The following RBM4 variants were observed in gnomAD, a reference collection of about 807,000 sequenced individuals.
RBM4 encodes RNA binding motif protein 4.
A neutral mutation model predicts 29.5 loss-of-function variants in RBM4; 7 were observed. That is an observed-to-expected ratio of 0.24 (90% CI 0.14 to 0.45). RBM4 has a LOEUF of 0.45. Among genes scored for constraint, RBM4 ranks in the 20% least tolerant of loss-of-function variants. RBM4 has a pLI of 1.00. For missense variants in RBM4, 387 were observed against 502.3 expected (o/e 0.77, Z 2.19); for synonymous variants, 220 against 205.4 (o/e 1.07, Z -0.61).
chr11:66,665,574 C>A, intron 2 of RBM4: 1 of 1,535,768 alleles, frequency 6.5e-7, no homozygotes, highest in Non-Finnish European at 8.7e-7. Context: ...CCGCAATTAT[C>A]CTACCTGAAA....
Position 66,643,749 on chromosome 11 carries a change from G to A in RBM4, c.712G>A (p.Ala238Thr), listed in dbSNP as rs777170299. 67 of 1,613,786 alleles carry A rather than the reference G, an allele frequency of 4.2e-5. No homozygotes were observed. Among genetic ancestry groups the A allele is most frequent in the Non-Finnish European group, 5.2e-5 (61 of 1,179,988 alleles). Residue 238 changes from alanine (A) to threonine (T), a missense_variant, in exon 3 of 4, where the codon GCT becomes ACT. By Grantham distance (58) the Ala-to-Thr change is moderately conservative (BLOSUM62 0). Transcript: ENST00000310092. The surrounding 1 kb of genome is among the most constrained non-coding windows in gnomAD (Gnocchi z 6.1). ...ARSYEAVAAA[A>T]ASVYNYAEQT... is the part of the protein sequence containing the mutation. ...GTCCTATGAGGCAGTGGCAGCTGCAGCTGCCTCCGTGTATAATTACGCAGA... is the reference window on the plus strand; with the variant it reads ...GTCCTATGAGGCAGTGGCAGCTGCAACTGCCTCCGTGTATAATTACGCAGA...
downstream of RBM4, among the ~76,000 whole-genome samples, chr11:66,650,630 G>A (rs771620254): frequency 6.6e-6 from 1 of 151,868 alleles, no homozygotes; most frequent in Admixed American, 6.6e-5. Flanking sequence ...TTGGGAGGCC[G>A]AGGTGGGCGG....
Position 66,646,333 on chromosome 11 carries a change from T to G in RBM4, c.*315T>G. Reference sequence around the variant, plus strand: ...TGCTGTCTCCTCCCTGCCTCCTGCCTCCTGCGGCTGTTGGATTTGGGAATG... The same window carrying G: ...TGCTGTCTCCTCCCTGCCTCCTGCCGCCTGCGGCTGTTGGATTTGGGAATG... On this transcript the variant is annotated 3_prime_UTR_variant, in exon 4 of 4. Coordinates refer to ENST00000310092, the MANE Select transcript of RBM4 (RefSeq NM_002896.4). 3 of 1,274,702 alleles carry G rather than the reference T, an allele frequency of 2.4e-6. No homozygotes were observed. Among genetic ancestry groups the G allele is most frequent in the Middle Eastern group, 6.2e-4 (2 of 3,244 alleles). 79.0% of individuals were successfully genotyped at this position (1,274,702 alleles called of 1,614,324 possible).
In RBM4 at chr11:66,639,778, G is replaced by A; in HGVS notation, c.67G>A (p.Glu23Lys). The A allele has an allele frequency of 6.2e-7, 1 of 1,614,092 alleles. No individual in the cohort carries two copies. Among genetic ancestry groups the A allele is most frequent in the Non-Finnish European group, 8.5e-7 (1 of 1,180,016 alleles). ...ATEQEIRSLF[E>K]QYGKVLECDI... ...AGAGCAGGAGATTCGCTCACTCTTC[G>A]AGCAGTATGGGAAGGTGCTGGAATG... is the stretch of plus-strand genomic sequence containing the variant. The change falls in exon 2 of 4, where the codon GAG becomes AAG. Residue 23 changes from glutamate (E) to lysine (K), a missense_variant. Physicochemically the swap from Glu to Lys is moderately conservative, Grantham distance 56. Around this residue, in one of 2 missense-constraint regions of RBM4, gnomAD observed 106 missense variants for 213.6 expected, o/e 0.50. Transcript: ENST00000310092.
chr11:66,664,659 G>A (rs1468224235), intron 2 of RBM4, among the ~76,000 whole-genome samples: 1 of 151,430 alleles, frequency 6.6e-6, no homozygotes, highest in Admixed American at 6.6e-5. Context: ...GGGGTTTCAC[G>A]ATATTGGTCA....
At chr11:66,661,415 GC>G (rs2135217977) in intron 2 of RBM4, among the ~76,000 whole-genome samples, 1 of 152,252 alleles carries the variant, frequency 6.6e-6, no homozygotes, top group South Asian at 2.1e-4. Flanking sequence ...CTTGCAGGCA[GC>G]CAACCTTTTT....
In RBM4 at chr11:66,646,434, T is replaced by C. The variant is rs1376677482; in HGVS notation, c.*416T>C. On this transcript the variant is annotated 3_prime_UTR_variant, in exon 4 of 4. Transcript: ENST00000310092. The stretch of plus-strand genomic sequence containing the variant: ...AGACCTATAGAGTTGGATCACTTTT[T>C]TTCTTTCCGGTGAAATAAATGGTTT... 2.2e-5 allele frequency: 23 copies of C among 1,031,882 alleles called. 1 individual carries two copies. The allele number at this position is 1,031,882 out of a possible 1,614,324, so 63.9% of individuals were successfully genotyped here. A position where few individuals can be genotyped will look rare whatever the true frequency, so the allele number is the denominator to read the frequency against.
At chr11:66,664,171 G>GTTTTT (rs767344100) in intron 2 of RBM4, among the ~76,000 whole-genome samples, 6 of 113,558 alleles carry the variant, frequency 5.3e-5, no homozygotes, top group African/African-American at 9.6e-5. Context: ...ATGCCCAGCT[G>GTTTTT]TTTTTTTTTT....
intron 2 of RBM4, among the ~76,000 whole-genome samples, chr11:66,657,061 T>C (rs2098955165): frequency 6.6e-6 from 1 of 151,824 alleles, no homozygotes; most frequent in African/African-American, 2.4e-5. Context: ...CAAAAAGCCC[T>C]TGTGCCCCTT....
intron 1 of RBM4, 33 bp downstream of exon 1, chr11:66,638,785 G>A (rs1335265061): frequency 6.6e-6 from 1 of 152,460 alleles, no homozygotes; most frequent in African/African-American, 2.4e-5. Flanking sequence ...TGCCTTTCTT[G>A]TACTGTGTTA....
chr11:66,649,917 A>AT (rs906569557), downstream of RBM4: 28 of 555,154 alleles, frequency 5.0e-5, no homozygotes, highest in Admixed American at 7.0e-5. Context: ...TAATAAACTG[A>AT]TTTTTTTCCC....
chr11:66,660,729 C>T (rs914610954), intron 2 of RBM4, among the ~76,000 whole-genome samples: 3 of 151,618 alleles, frequency 2.0e-5, no homozygotes, highest in Admixed American at 6.6e-5. Context: ...TCTCAGCTCA[C>T]TGCAAGCTCT....
chr11:66,649,871 G>A (rs191524009), downstream of RBM4: 25 of 593,672 alleles, frequency 4.2e-5, no homozygotes, highest in Admixed American at 2.2e-4. Flanking sequence ...GAGCCACTGC[G>A]TCTGGTCAAA....
At chr11:66,652,615 A>C (rs548213395) in intron 2 of RBM4, among the ~76,000 whole-genome samples, 1 of 152,356 alleles carries the variant, frequency 6.6e-6, no homozygotes, top group Admixed American at 6.5e-5. Flanking sequence ...TGATGGCTTA[A>C]CATGAGTGAA....
At chr11:66,648,120 C>G (rs1265564164), downstream of RBM4, among the ~76,000 whole-genome samples, 2 of 152,074 alleles carry the variant, frequency 1.3e-5, no homozygotes, top group African/African-American at 4.8e-5. Context: ...GCAGGAGAAT[C>G]GCTTGAACCC....
At chr11:66,639,614 A>G (rs1938353108) in intron 1 of RBM4, 86 bp from the exon 2 acceptor site, 2 of 1,491,968 alleles carry the variant, frequency 1.3e-6, no homozygotes, top group East Asian at 4.5e-5. Flanking sequence ...AAAACTGGAA[A>G]TATACATTAG....
chr11:66,639,668 C>G (rs1938355905), intron 1 of RBM4, 32 bp from the exon 2 acceptor site: 1 of 1,601,876 alleles, frequency 6.2e-7, no homozygotes, highest in African/African-American at 1.3e-5. Flanking sequence ...GGCCTGAGGT[C>G]TTTTGTCAGA....
At chr11:66,644,441 ATT>A (rs1938601194) in intron 3 of RBM4, 1 of 274,092 alleles carries the variant, frequency 3.6e-6, no homozygotes, top group Non-Finnish European at 6.6e-6. Flanking sequence ...CTATACTATA[ATT>A]GAACCTTACC....
chr11:66,643,717 C>G lies in RBM4; in HGVS notation c.680C>G (p.Ala227Gly), dbSNP rs749220363. ...GATGCCTACTACAAGCGCTGCCGTG[C>G]TGCCCGGTCCTATGAGGCAGTGGCA... The part of the protein sequence containing the change: ...ALDAYYKRCR[A>G]ARSYEAVAAA... Residue 227 changes from alanine (A) to glycine (G), a missense_variant, in exon 3 of 4, where the codon GCT becomes GGT. Coordinates refer to ENST00000310092, the MANE Select transcript of RBM4 (RefSeq NM_002896.4). This position sits in a 1 kb window ranked among gnomAD's most constrained non-coding sequence, Gnocchi z 6.1. 1 of 1,614,156 alleles carries G rather than the reference C, an allele frequency of 6.2e-7. No homozygotes were observed. The highest frequency in any genetic ancestry group is 8.5e-7 in the Non-Finnish European group (1 of 1,180,020).
Sources: gnomAD v4.1 joint callset for allele counts (sites outside exome capture counted in the v4.1 genomes callset) on GRCh38, gnomAD v4.1.1 for gene constraint, gnomAD v4.1.1 regional missense constraint, Gnocchi (gnomAD v3.1) non-coding constraint, MANE v1.5 for transcripts, NCBI Gene and HGNC (gene_info 2026-07-23, HGNC 2026-07-21) for gene names.